Variants in GPLD1 observed in about 807,000 individuals in gnomAD.
The protein encoded by GPLD1 is glycosylphosphatidylinositol specific phospholipase D1.
GPLD1 carries 84 observed loss-of-function variants against 112.6 expected under a neutral mutation model. The ratio of observed to expected loss-of-function variants is 0.75; its 90% confidence interval spans 0.63 to 0.89. The LOEUF (loss-of-function observed/expected upper bound fraction) is 0.89, where lower values mean the gene tolerates loss of function less well. Ranked by LOEUF, GPLD1 falls within the 40% of genes least tolerant of loss-of-function variation. The probability of loss-of-function intolerance (pLI) is 0.00; values close to 1 mark genes in which losing one functional copy is unlikely to be tolerated. For synonymous variants in GPLD1, 386 were observed against 403.8 expected (o/e 0.96, Z 0.53); for missense variants, 1,044 against 1,051.5 (o/e 0.99, Z 0.10).
At chr6:24,460,564 C>T (rs1210406849) in intron 11 of GPLD1, among the ~76,000 whole-genome samples, 165 bp from the exon 12 acceptor site, 1 of 152,160 alleles carries the variant, frequency 6.6e-6, no homozygotes, top group African/African-American at 2.4e-5. Flanking sequence ...ACCTTCATTT[C>T]ACAAAATCTT....
intron 20 of GPLD1, among the ~76,000 whole-genome samples, chr6:24,445,322 C>T (rs769309210): frequency 7.2e-5 from 11 of 152,086 alleles, no homozygotes; most frequent in Non-Finnish European, 1.2e-4. Context: ...CCACCGCACC[C>T]GGCCTGAAAT....
upstream of GPLD1, among the ~76,000 whole-genome samples, chr6:24,490,046 GCTTC>G (rs1764515026): frequency 6.6e-6 from 1 of 152,162 alleles, no homozygotes; most frequent in Non-Finnish European, 1.5e-5. Flanking sequence ...GCTGGAACTG[GCTTC>G]CTTTTCAGTA....
intron 10 of GPLD1, among the ~76,000 whole-genome samples, chr6:24,465,196 C>CAAAAAAAAAAAAAAAAAAAAAAAAAAAAA (rs34368143): frequency 9.9e-6 from 1 of 101,318 alleles, no homozygotes; most frequent in Non-Finnish European, 1.9e-5. Context: ...GACTCTGTCT[C>CAAAAAAAAAAAAAAAAAAAAAAAAAAAAA]AAAAAAAAAA....
intron 5 of GPLD1, among the ~76,000 whole-genome samples, chr6:24,474,206 C>CACACACAT (rs1386205113): frequency 1.4e-4 from 17 of 120,852 alleles, no homozygotes; most frequent in African/African-American, 3.6e-4. Context: ...CACACACACA[C>CACACACAT]ATATATATGC....
chr6:24,476,242 G>T lies in GPLD1; in HGVS notation c.269C>A (p.Thr90Asn). Residue 90 changes from threonine to asparagine, a missense_variant, in exon 4 of 25, where the codon ACT (threonine) becomes AAT (asparagine). By Grantham distance (65) the Thr-to-Asn change is moderately conservative (BLOSUM62 0). Coordinates refer to ENST00000230036, the MANE Select transcript of GPLD1 (RefSeq NM_001503.4). ...ATGAACGCTTGCATTAAGAAACGGA[G>T]TCCAGTGAGTGCTCTCAGACACATC... ...FHDVSESTHW[T>N]PFLNASVHYI... The T allele has an allele frequency of 6.4e-7, 1 of 1,569,028 alleles. No individual in the cohort carries two copies. Among genetic ancestry groups the T allele is most frequent in the Non-Finnish European group, 8.7e-7 (1 of 1,150,766 alleles).
intron 5 of GPLD1, among the ~76,000 whole-genome samples, chr6:24,474,798 A>C (rs1393662925): frequency 6.6e-6 from 1 of 152,056 alleles, no homozygotes; most frequent in Admixed American, 6.6e-5. Flanking sequence ...AAATTAGCTA[A>C]GCATGGTGGC....
intron 14 of GPLD1, among the ~76,000 whole-genome samples, chr6:24,451,865 C>T (rs1763102385): frequency 6.6e-6 from 1 of 152,188 alleles, no homozygotes; most frequent in African/African-American, 2.4e-5. Flanking sequence ...AGGGTGGGAA[C>T]CAATAACTCA....
intron 14 of GPLD1, among the ~76,000 whole-genome samples, chr6:24,451,228 T>G (rs1461479119): frequency 6.6e-6 from 1 of 152,190 alleles, no homozygotes; most frequent in Non-Finnish European, 1.5e-5. Context: ...CTCAATCTCT[T>G]CAGACTTTTT....
At chr6:24,438,021 A>C (rs899234760) in intron 20 of GPLD1, among the ~76,000 whole-genome samples, 2 of 152,230 alleles carry the variant, frequency 1.3e-5, no homozygotes, top group East Asian at 3.9e-4. Context: ...TGGGGCCCAC[A>C]AAACATGGGC....
In GPLD1 at chr6:24,460,514, C is replaced by T. The variant is rs189449442; in HGVS notation, c.888-115G>A. On this transcript the variant is annotated intron_variant, in intron 11 of 24. Transcript: ENST00000230036. The stretch of plus-strand genomic sequence containing the variant: ...AGGTTAAAAGACCACAAAATTTTAA[C>T]GTCAGAAGGCTGAAGGAGCAACACA... 362 of 1,048,362 alleles carry T rather than the reference C, an allele frequency of 3.5e-4. 2 individuals are homozygous for T. In the African/African-American group the frequency reaches 4.5e-3, roughly 13 times the overall value. The allele number at this position is 1,048,362 out of a possible 1,614,324, so 64.9% of individuals were successfully genotyped here.
chr6:24,437,067 G>T, intron 21 of GPLD1, 46 bp downstream of exon 21: 1 of 1,565,138 alleles, frequency 6.4e-7, no homozygotes, highest in Non-Finnish European at 8.8e-7. Flanking sequence ...CCACCCCCTG[G>T]GCAAAGGGAC....
At chr6:24,483,343 T>A (rs1229569727) in intron 2 of GPLD1, among the ~76,000 whole-genome samples, 3 of 151,612 alleles carry the variant, frequency 2.0e-5, no homozygotes, top group Non-Finnish European at 4.4e-5. Context: ...AAAAGTACTA[T>A]GATACTGAAA....
chr6:24,451,474 G>T (rs1434168598), intron 14 of GPLD1, among the ~76,000 whole-genome samples: 1 of 152,194 alleles, frequency 6.6e-6, no homozygotes, highest in East Asian at 1.9e-4. Flanking sequence ...GAGTAGCTGG[G>T]ATTACAGGCA....
rs146371481 is a variant in GPLD1, at chr6:24,454,165, G to A, written c.1185C>T (p.His395=). Residue 395 remains histidine (H), a synonymous_variant, in exon 14 of 25, where the codon CAC becomes CAT. Transcript: ENST00000230036. The part of the protein sequence containing the change: ...MTSADLNQDG[H]GDLVVGAPGY... ...CTGGTGCGCCCACCACGAGGTCACC[G>A]TGCCCATCCTGGTTGAGGTCAGCTG... is the stretch of plus-strand genomic sequence containing the variant. The A allele has an allele frequency of 2.6e-4, 427 of 1,613,542 alleles. 1 individual carries two copies. Among genetic ancestry groups the A allele is most frequent in the Admixed American group, 1.6e-3 (94 of 59,974 alleles).
intron 18 of GPLD1, among the ~76,000 whole-genome samples, chr6:24,446,299 G>T (rs375143071): frequency 6.6e-6 from 1 of 151,666 alleles, no homozygotes; most frequent in Non-Finnish European, 1.5e-5. Flanking sequence ...AGTTTGAGAC[G>T]AGCCTGGGCA....
rs772101716 is a variant in GPLD1 at position 24,495,109 on chromosome 6, C to T, written n.97G>A. The T allele has an allele frequency of 1.8e-5, 24 of 1,313,098 alleles. No homozygotes were observed. Among genetic ancestry groups the T allele is most frequent in the Middle Eastern group, 2.9e-4 (1 of 3,496 alleles). The allele number at this position is 1,313,098 out of a possible 1,614,324, so 81.3% of individuals were successfully genotyped here. On this transcript the variant is annotated non_coding_transcript_exon_variant, in exon 1 of 11. Transcript: ENST00000474784. The stretch of plus-strand genomic sequence containing the variant: ...GGCCTGGTCCCTGCCTCCGGGCCTG[C>T]GCCCGGCCCGGCCCAGCTCCGCTGC...
chr6:24,439,805 C>T (rs1343152430), intron 20 of GPLD1, among the ~76,000 whole-genome samples: 2 of 152,174 alleles, frequency 1.3e-5, no homozygotes, highest in Non-Finnish European at 2.9e-5. Flanking sequence ...TTCTAGAATG[C>T]TACTATAACA....
intron 9 of GPLD1, 44 bp downstream of exon 9, chr6:24,466,868 G>C (rs775727117): frequency 2.5e-6 from 4 of 1,593,144 alleles, no homozygotes; most frequent in South Asian, 1.1e-5. Flanking sequence ...ACTATTCCTG[G>C]TATCTTTATA....
At chr6:24,438,192 G>A (rs1385508986) in intron 20 of GPLD1, among the ~76,000 whole-genome samples, 2 of 152,086 alleles carry the variant, frequency 1.3e-5, no homozygotes, top group East Asian at 1.9e-4. Flanking sequence ...CAAGAAATGC[G>A]GTCACGTCTC....
Sources: allele counts gnomAD v4.1 joint callset (sites outside exome capture counted in the v4.1 genomes callset), GRCh38; gene constraint gnomAD v4.1.1; transcripts MANE v1.5; gene names NCBI Gene and HGNC (gene_info 2026-07-23, HGNC 2026-07-21).